Variants in SEPSECS observed in about 807,000 individuals in gnomAD.
SEPSECS encodes Sep (O-phosphoserine) tRNA:Sec (selenocysteine) tRNA synthase.
Under a neutral mutation model 52.1 loss-of-function variants are expected in SEPSECS, and 42 were observed. The observed-to-expected ratio is 0.81, with a 90% CI of 0.63 to 1.04. The LOEUF (loss-of-function observed/expected upper bound fraction) is 1.04. Ranked by LOEUF, SEPSECS falls within the 50% of genes least tolerant of loss-of-function variation. The pLI is 0.00. For missense variants in SEPSECS, 590 were observed against 610.6 expected (o/e 0.97, Z 0.36); for synonymous variants, 216 against 211.4 (o/e 1.02, Z -0.19).
At chr4:25,126,951 C>G (rs181628617) in intron 9 of SEPSECS, among the ~76,000 whole-genome samples, 3 of 152,076 alleles carry the variant, frequency 2.0e-5, no homozygotes, top group Non-Finnish European at 4.4e-5. Context: ...CCACCAAACC[C>G]GACCTGGAGA....
chr4:25,136,935 G>A (rs1728864556), intron 8 of SEPSECS, among the ~76,000 whole-genome samples: 1 of 152,044 alleles, frequency 6.6e-6, no homozygotes, highest in African/African-American at 2.4e-5. Context: ...TCTGATCTTT[G>A]GCAAACCTGA....
At chr4:25,155,582 AAAT>A (rs938994600) in intron 4 of SEPSECS, among the ~76,000 whole-genome samples, 2 of 152,228 alleles carry the variant, frequency 1.3e-5, no homozygotes, top group Admixed American at 6.5e-5. Context: ...AGATGGACAT[AAAT>A]AATAATACAA....
intron 8 of SEPSECS, among the ~76,000 whole-genome samples, chr4:25,141,796 A>G (rs1711564941): frequency 6.6e-6 from 1 of 151,976 alleles, no homozygotes; most frequent in African/African-American, 2.4e-5. Flanking sequence ...CCCCACCCTC[A>G]TTACCACCCT....
chr4:25,133,777 A>G (rs2109010446), intron 8 of SEPSECS, among the ~76,000 whole-genome samples: 1 of 152,184 alleles, frequency 6.6e-6, no homozygotes, highest in South Asian at 2.1e-4. Flanking sequence ...ATATTTAGAG[A>G]AATGTTTCTA....
chr4:25,125,000 A>C (rs984523802), intron 10 of SEPSECS, among the ~76,000 whole-genome samples: 3 of 152,224 alleles, frequency 2.0e-5, no homozygotes, highest in Non-Finnish European at 4.4e-5. Context: ...TAGAAGTGTC[A>C]AAACTATATT....
intron 10 of SEPSECS, chr4:25,125,491 T>C: frequency 3.5e-6 from 2 of 573,588 alleles, no homozygotes; most frequent in South Asian, 4.4e-5. Context: ...TTCATGTCTT[T>C]TTGTGACTAT....
At chr4:25,157,499 G>A (rs1202914340) in intron 2 of SEPSECS, among the ~76,000 whole-genome samples, 1 of 150,914 alleles carries the variant, frequency 6.6e-6, no homozygotes, top group East Asian at 1.9e-4. Context: ...GGTTTGTTCT[G>A]TAGCAATAGA....
intron 6 of SEPSECS, among the ~76,000 whole-genome samples, chr4:25,145,337 T>A (rs1311667699): frequency 6.6e-6 from 1 of 152,138 alleles, no homozygotes; most frequent in Non-Finnish European, 1.5e-5. Flanking sequence ...TACCTTAGAA[T>A]AAAAATAAAC....
chr4:25,146,943 C>T (rs574815071), intron 6 of SEPSECS, among the ~76,000 whole-genome samples: 2 of 152,322 alleles, frequency 1.3e-5, no homozygotes, highest in Admixed American at 6.5e-5. Flanking sequence ...CTCTTTCCTG[C>T]TTGAAATCCT....
intron 8 of SEPSECS, among the ~76,000 whole-genome samples, chr4:25,141,269 A>G (rs1711532414): frequency 6.6e-6 from 1 of 152,140 alleles, no homozygotes; most frequent in South Asian, 2.1e-4. Context: ...CCCAGAGCTC[A>G]GTCCTTATAC....
chr4:25,138,610 A>G (rs1728938071), intron 8 of SEPSECS, among the ~76,000 whole-genome samples: 1 of 152,144 alleles, frequency 6.6e-6, no homozygotes, highest in Admixed American at 6.5e-5. Flanking sequence ...CAGATAACTA[A>G]TGTTATATTT....
intron 1 of SEPSECS, chr4:25,159,494 G>C (rs762270862): frequency 2.7e-6 from 1 of 369,434 alleles, no homozygotes; most frequent in Non-Finnish European, 5.4e-6. Flanking sequence ...TTGGCCACGC[G>C]CTGTAGCTCA....
Position 25,121,079 on chromosome 4 carries a change from G to C in SEPSECS, c.*2852C>G, listed in dbSNP as rs1728104984. On this transcript the variant is annotated 3_prime_UTR_variant, in exon 11 of 11. Coordinates refer to ENST00000382103, the MANE Select transcript of SEPSECS (RefSeq NM_016955.4). ...ATATCAAGTGCCTATTGGCTGAACA[G>C]AACTGTATTCAATAATTCATATTCT... 6.6e-6 allele frequency: 1 copy of C among 152,050 alleles called. No individual in the cohort carries two copies. Among genetic ancestry groups the C allele is most frequent in the Non-Finnish European group, 1.5e-5 (1 of 67,960 alleles). 9.4% of individuals were successfully genotyped at this position (152,050 alleles called of 1,614,324 possible).
upstream of SEPSECS, chr4:25,160,488 C>G: frequency 1.5e-6 from 1 of 682,514 alleles, no homozygotes; most frequent in Non-Finnish European, 2.5e-6. Flanking sequence ...GGACAAAAAA[C>G]AAAACAAAAC....
chr4:25,143,592 T>C lies in SEPSECS; in HGVS notation c.1026+1182A>G, dbSNP rs185366574. 4.2e-4 allele frequency among the ~76,000 whole-genome samples: 64 copies of C among 152,348 alleles called. 1 individual carries two copies. The highest frequency in any genetic ancestry group is 1.5e-3 in the African/African-American group (63 of 41,578). On this transcript the variant is annotated intron_variant, in intron 8 of 10. Coordinates refer to ENST00000382103, the MANE Select transcript of SEPSECS (RefSeq NM_016955.4). ...GCATTTCCCTAATTACTAATGACAT[T>C]GAGCATCTTTTCCTATATCACATAA...
chr4:25,145,352 T>C (rs1358944998), intron 6 of SEPSECS, among the ~76,000 whole-genome samples: 1 of 152,186 alleles, frequency 6.6e-6, no homozygotes, highest in Non-Finnish European at 1.5e-5. Flanking sequence ...ATAAACACCA[T>C]TAAAACAATG....
chr4:25,147,819 C>T (rs778466829), intron 6 of SEPSECS, among the ~76,000 whole-genome samples: 43 of 151,770 alleles, frequency 2.8e-4, no homozygotes, highest in Non-Finnish European at 5.9e-4. Context: ...TTATACTTTT[C>T]TTCATTGATT....
At position 25,153,635 on chromosome 4, in the gene SEPSECS, T is replaced by G. The variant is rs1401634236; in HGVS notation, c.701+1363A>C. On this transcript the variant is annotated intron_variant, in intron 5 of 10. Coordinates refer to ENST00000382103, the MANE Select transcript of SEPSECS (RefSeq NM_016955.4). ...GATTAATTAACTAATAAAAACAAAATGTATACTGTATCCAAAAAATTAAAA... is the reference window on the plus strand; with the variant it reads ...GATTAATTAACTAATAAAAACAAAAGGTATACTGTATCCAAAAAATTAAAA... Among the ~76,000 whole-genome samples the G allele has an allele frequency of 2.0e-5, 3 of 151,914 alleles. No individual in the cohort carries two copies. The South Asian group carries it at 6.2e-4, about 31-fold the overall frequency.
chr4:25,121,925 A>C lies in SEPSECS; in HGVS notation c.*2006T>G, dbSNP rs1159564719. 1 of 152,194 alleles carries C rather than the reference A, an allele frequency of 6.6e-6. No homozygotes were observed. The allele number at this position is 152,194 out of a possible 1,614,324, so 9.4% of individuals were successfully genotyped here. A position where few individuals can be genotyped will look rare whatever the true frequency, so the allele number is the denominator to read the frequency against. The stretch of plus-strand genomic sequence containing the variant: ...GCCTTTCTTAAGCTAAATGATGATC[A>C]CAACAATATAGATCACTTGTTCTAT... On this transcript the variant is annotated 3_prime_UTR_variant, in exon 11 of 11. Coordinates refer to ENST00000382103, the MANE Select transcript of SEPSECS (RefSeq NM_016955.4).
Sources: allele counts gnomAD v4.1 joint callset (sites outside exome capture counted in the v4.1 genomes callset), GRCh38; gene constraint gnomAD v4.1.1; transcripts MANE v1.5; gene names NCBI Gene and HGNC (gene_info 2026-07-23, HGNC 2026-07-21).